TET1: variants seen among roughly 807,000 people sequenced by gnomAD.
TET1 encodes the protein methylcytosine dioxygenase TET1.
Under a neutral mutation model 148.7 loss-of-function variants are expected in TET1, and 13 were observed. The ratio of observed to expected loss-of-function variants is 0.09; its 90% confidence interval spans 0.06 to 0.14. The LOEUF (loss-of-function observed/expected upper bound fraction) is 0.14. TET1 is among the 10% of genes least tolerant of loss of function. The pLI, the probability that TET1 is intolerant of heterozygous loss-of-function variation, is 1.00. For synonymous variants in TET1, 907 were observed against 937.2 expected (o/e 0.97, Z 0.59); for missense variants, 2,182 against 2,553.8 (o/e 0.85, Z 3.14).
At chr10:68,650,656 G>C (rs1234014445) in intron 4 of TET1, among the ~76,000 whole-genome samples, 1 of 151,738 alleles carries the variant, frequency 6.6e-6, no homozygotes, top group Non-Finnish European at 1.5e-5. Flanking sequence ...AAAAAATAAA[G>C]GTGAAAAAGG....
chr10:68,658,945 C>A (rs2055064870), intron 6 of TET1, among the ~76,000 whole-genome samples: 1 of 152,138 alleles, frequency 6.6e-6, no homozygotes, highest in Non-Finnish European at 1.5e-5. Flanking sequence ...AATTTCCCAG[C>A]TGGCCAGCGT....
chr10:68,649,276 A>T (rs1573037), intron 4 of TET1, among the ~76,000 whole-genome samples: 29,511 of 152,144 alleles, frequency 0.19, 3,650 homozygotes, highest in African/African-American at 0.35. Flanking sequence ...CCTTATAACG[A>T]ACACTCTGGT....
At chr10:68,666,711 A>G (rs981192964) in intron 6 of TET1, among the ~76,000 whole-genome samples, 1 of 152,158 alleles carries the variant, frequency 6.6e-6, no homozygotes, top group Non-Finnish European at 1.5e-5. Flanking sequence ...TACTCTTGTG[A>G]TGAGTCTCAT....
At chr10:68,594,271 A>G (rs1193399252) in intron 2 of TET1, among the ~76,000 whole-genome samples, 1 of 152,186 alleles carries the variant, frequency 6.6e-6, no homozygotes, top group African/African-American at 2.4e-5. Context: ...AGACACTGAC[A>G]CAGGGAGTAG....
At chr10:68,640,553 T>TTTTTTC (rs2054733447) in intron 3 of TET1, among the ~76,000 whole-genome samples, 1 of 97,298 alleles carries the variant, frequency 1.0e-5, no homozygotes, top group Admixed American at 1.1e-4. Flanking sequence ...TCTTTTTTTT[T>TTTTTTC]TTTTTTTTTT....
rs758739848 is a variant in TET1 at position 68,572,830 on chromosome 10, A to G, written c.492A>G (p.Gln164=). Residue 164 remains glutamine, a synonymous_variant, in exon 2 of 12, where the codon CAA becomes CAG. Coordinates refer to ENST00000373644, the MANE Select transcript of TET1 (RefSeq NM_030625.3). ...ATTCGGTTCCAATGCAAGACACCCA[A>G]GTCCTTCCTGATATAGAGACTCTAA... ...ENDSVPMQDT[Q]VLPDIETLIG... The G allele has an allele frequency of 3.1e-6, 5 of 1,614,058 alleles. No individual in the cohort carries two copies. The highest frequency in any genetic ancestry group is 1.6e-4 in the Middle Eastern group (1 of 6,084).
intron 2 of TET1, among the ~76,000 whole-genome samples, chr10:68,578,075 G>A (rs1418832111): frequency 6.6e-6 from 1 of 152,104 alleles, no homozygotes; most frequent in Non-Finnish European, 1.5e-5. Flanking sequence ...GGCATTTAAA[G>A]TGTTTCTAAA....
chr10:68,683,535 C>T (rs1050172969), intron 10 of TET1, among the ~76,000 whole-genome samples: 5 of 152,004 alleles, frequency 3.3e-5, no homozygotes, highest in Admixed American at 6.6e-5. Context: ...ACCTTGGCCT[C>T]GAAAAGTGCT....
At chr10:68,653,680 A>G (rs2054973468) in intron 6 of TET1, among the ~76,000 whole-genome samples, 1 of 152,158 alleles carries the variant, frequency 6.6e-6, no homozygotes, top group African/African-American at 2.4e-5. Context: ...GTTTTTGTAC[A>G]TATTTCTCTT....
intron 3 of TET1, among the ~76,000 whole-genome samples, chr10:68,613,195 C>T (rs1466259956): frequency 6.6e-6 from 1 of 152,180 alleles, no homozygotes; most frequent in Non-Finnish European, 1.5e-5. Context: ...AATCAAGATA[C>T]ATATTTAATA....
chr10:68,565,088 G>A (rs2053591859), intron 1 of TET1, among the ~76,000 whole-genome samples: 2 of 152,132 alleles, frequency 1.3e-5, no homozygotes, highest in Admixed American at 6.6e-5. Flanking sequence ...AATGAAAAAT[G>A]GAAGTAGAAT....
chr10:68,659,832 T>C (rs1198304412), intron 6 of TET1, among the ~76,000 whole-genome samples: 1 of 152,178 alleles, frequency 6.6e-6, no homozygotes, highest in Non-Finnish European at 1.5e-5. Flanking sequence ...ATGTGACCAG[T>C]GGCCAGATCA....
In TET1 at chr10:68,644,797, C is replaced by T; in HGVS notation, c.2068C>T (p.His690Tyr). ...AGAACAAAAATTGGAATTGAACCCA[C>T]ATACTGTTGAAAATGTAACTAAAAA... ...GEEQKLELNPHTVENVTKNED... is the reference protein window; with the variant it reads ...GEEQKLELNPYTVENVTKNED... Residue 690 changes from histidine to tyrosine, a missense_variant, in exon 4 of 12, where the codon CAT (histidine) becomes TAT (tyrosine). By Grantham distance (83) the His-to-Tyr change is moderately conservative. Coordinates refer to ENST00000373644, the MANE Select transcript of TET1 (RefSeq NM_030625.3). 2 of 1,613,992 alleles carry T rather than the reference C, an allele frequency of 1.2e-6. No homozygotes were observed. The highest frequency in any genetic ancestry group is 1.7e-6 in the Non-Finnish European group (2 of 1,179,972).
At position 68,692,931 on chromosome 10, in the gene TET1, T is replaced by C. The variant is rs12776197; in HGVS notation, c.*1117T>C. ...GACAGATATTTGTACTGAAGTCTGA[T>C]ACAGAATTAGAAAAAAAAAATTCTT... is the stretch of plus-strand genomic sequence containing the variant. On this transcript the variant is annotated 3_prime_UTR_variant, in exon 12 of 12. Coordinates refer to ENST00000373644, the MANE Select transcript of TET1 (RefSeq NM_030625.3). The C allele has an allele frequency of 8.6e-6, 2 of 231,454 alleles. No individual in the cohort carries two copies. The highest frequency in any genetic ancestry group is 1.8e-4 in the South Asian group (1 of 5,458). 14.3% of individuals were successfully genotyped at this position (231,454 alleles called of 1,614,324 possible).
chr10:68,569,166 C>CTTTTTTTTTTTTTTTTTTTTTTT (rs34385747), intron 1 of TET1, among the ~76,000 whole-genome samples: 7 of 69,778 alleles, frequency 1.0e-4, no homozygotes, highest in African/African-American at 2.3e-4. Context: ...AGGAGAGTTT[C>CTTTTTTTTTTTTTTTTTTTTTTT]TTTTTTTTTT....
chr10:68,624,499 G>A (rs2054424079), intron 3 of TET1, among the ~76,000 whole-genome samples: 1 of 151,650 alleles, frequency 6.6e-6, no homozygotes, highest in East Asian at 2.0e-4. Context: ...ATGTTGGTCA[G>A]GCTGGTCTGG....
intron 3 of TET1, among the ~76,000 whole-genome samples, chr10:68,641,662 C>T (rs1364267345): frequency 3.8e-5 from 1 of 26,188 alleles, no homozygotes; most frequent in Non-Finnish European, 1.2e-4. Flanking sequence ...CCCTGCCCGG[C>T]TAATTTTTTT....
intron 3 of TET1, among the ~76,000 whole-genome samples, chr10:68,626,293 G>C (rs2054481599): frequency 6.6e-6 from 1 of 151,160 alleles, no homozygotes; most frequent in Admixed American, 6.6e-5. Context: ...TGGACACAAG[G>C]TCTCATTCTG....
At chr10:68,642,794 G>A (rs1302497003) in intron 3 of TET1, among the ~76,000 whole-genome samples, 3 of 152,032 alleles carry the variant, frequency 2.0e-5, no homozygotes, top group Non-Finnish European at 1.5e-5. Context: ...TAGTAGATAC[G>A]GGGTTTTGCC....
Sources: allele counts gnomAD v4.1 joint callset (sites outside exome capture counted in the v4.1 genomes callset), GRCh38; gene constraint gnomAD v4.1.1; transcripts MANE v1.5; gene names NCBI Gene and HGNC (gene_info 2026-07-23, HGNC 2026-07-21).